Variants in SASH1 observed in about 807,000 individuals in gnomAD.
The protein encoded by SASH1 is SAM and SH3 domain-containing protein 1.
SASH1 carries 44 observed loss-of-function variants against 125.2 expected under a neutral mutation model. The observed-to-expected ratio is 0.35, with a 90% confidence interval of 0.28 to 0.45. The LOEUF (loss-of-function observed/expected upper bound fraction) is 0.45, where lower values mean the gene tolerates loss of function less well. Among genes scored for constraint, SASH1 ranks in the 20% least tolerant of loss-of-function variants. SASH1 has a pLI of 1.00. For missense variants in SASH1, 1,426 were observed against 1,614.5 expected (o/e 0.88, Z 2.00); for synonymous variants, 639 against 649.1 (o/e 0.98, Z 0.24).
chr6:148,439,960 A>G (rs1776474504), intron 2 of SASH1, among the ~76,000 whole-genome samples: 1 of 145,320 alleles, frequency 6.9e-6, no homozygotes, highest in Non-Finnish European at 1.5e-5. Context: ...TTGTCAGCAG[A>G]GTCTGGCAAC....
intron 17 of SASH1, among the ~76,000 whole-genome samples, 179 bp downstream of exon 17, chr6:148,540,735 G>A (rs1448092299): frequency 1.3e-5 from 2 of 152,222 alleles, no homozygotes; most frequent in South Asian, 2.1e-4. Context: ...GCTGCTGGGT[G>A]AGGTTAATAA....
At chr6:148,261,039 A>G in the SASH1 span, among the ~76,000 whole-genome samples, 1 of 152,056 alleles carries the variant, frequency 6.6e-6, no homozygotes, top group Non-Finnish European at 1.5e-5. Flanking sequence ...TCCTGACCTC[A>G]GGTGATCTGC....
upstream of SASH1, among the ~76,000 whole-genome samples, chr6:148,270,241 C>T (rs1779030173): frequency 6.6e-6 from 1 of 152,178 alleles, no homozygotes; most frequent in African/African-American, 2.4e-5. Flanking sequence ...TCTTGGGTCT[C>T]CCAACTCATA....
intron 1 of SASH1, among the ~76,000 whole-genome samples, chr6:148,285,434 G>C (rs1779457065): frequency 6.6e-6 from 1 of 152,252 alleles, no homozygotes; most frequent in African/African-American, 2.4e-5. Context: ...ACTTTACAGA[G>C]TAGCCTCTGG....
At chr6:148,349,048 G>A (rs746814544) in intron 1 of SASH1, among the ~76,000 whole-genome samples, 1 of 151,938 alleles carries the variant, frequency 6.6e-6, no homozygotes, top group Non-Finnish European at 1.5e-5. Flanking sequence ...CTAGTGAGAG[G>A]GATAAAAAGG....
At chr6:148,541,317 C>T (rs182398415) in intron 17 of SASH1, among the ~76,000 whole-genome samples, 6 of 151,208 alleles carry the variant, frequency 4.0e-5, no homozygotes, top group African/African-American at 1.5e-4. Context: ...TTACTGAGCA[C>T]CTACTAAAGC....
At chr6:148,203,147 G>A in the SASH1 span, among the ~76,000 whole-genome samples, 1 of 152,170 alleles carries the variant, frequency 6.6e-6, no homozygotes, top group Non-Finnish European at 1.5e-5. Flanking sequence ...GAAAGAGCTG[G>A]AAGTATGCTT....
chr6:148,541,558 TG>T (rs1782220191), intron 17 of SASH1, among the ~76,000 whole-genome samples: 1 of 152,086 alleles, frequency 6.6e-6, no homozygotes, highest in South Asian at 2.1e-4. Flanking sequence ...GTGTACTACA[TG>T]TTGAATGTAA....
intron 15 of SASH1, 29 bp downstream of exon 15, chr6:148,534,009 C>G: frequency 6.3e-7 from 1 of 1,598,062 alleles, no homozygotes; most frequent in Non-Finnish European, 8.6e-7. Flanking sequence ...TTGTCACACG[C>G]TACTACCTCA....
chr6:148,334,024 G>A (rs997972481), intron 1 of SASH1, among the ~76,000 whole-genome samples: 1 of 151,292 alleles, frequency 6.6e-6, no homozygotes, highest in African/African-American at 2.4e-5. Context: ...GGGGTTCACC[G>A]TGTTAGCCAG....
chr6:148,255,442 A>G, the SASH1 span, among the ~76,000 whole-genome samples: 1 of 152,154 alleles, frequency 6.6e-6, no homozygotes, highest in Non-Finnish European at 1.5e-5. Context: ...TAAAGACCCT[A>G]TCTCCAAATA....
At chr6:148,298,721 GGA>G (rs1779843057) in intron 1 of SASH1, among the ~76,000 whole-genome samples, 2 of 96,688 alleles carry the variant, frequency 2.1e-5, no homozygotes, top group Non-Finnish European at 4.0e-5. Context: ...AAGAAGGAAG[GGA>G]AAGGAGGGAG....
intron 1 of SASH1, among the ~76,000 whole-genome samples, chr6:148,321,539 T>C (rs1361333567): frequency 6.6e-6 from 1 of 152,194 alleles, no homozygotes; most frequent in Non-Finnish European, 1.5e-5. Context: ...AGGAATATAA[T>C]GGTGATCAAA....
the SASH1 span, among the ~76,000 whole-genome samples, chr6:148,245,478 A>G: frequency 3.3e-5 from 5 of 152,242 alleles, no homozygotes; most frequent in African/African-American, 9.6e-5. Flanking sequence ...CTGATTTGGA[A>G]GCATTAAGTT....
chr6:148,330,539 C>G (rs1483912792), intron 1 of SASH1, among the ~76,000 whole-genome samples: 15 of 152,174 alleles, frequency 9.9e-5, no homozygotes, highest in Admixed American at 7.9e-4. Flanking sequence ...AACTTGGAAA[C>G]AGTTAACAAT....
chr6:148,390,136 C>T lies in SASH1; in HGVS notation c.159C>T (p.Asp53=), dbSNP rs758083632. 3.6e-5 allele frequency: 58 copies of T among 1,612,706 alleles called. No homozygotes were observed. The highest frequency in any genetic ancestry group is 3.3e-4 in the Middle Eastern group (2 of 6,054). Residue 53 remains aspartate, a splice_region_variant and synonymous_variant, in exon 2 of 20, where the codon GAC becomes GAT. Transcript: ENST00000367467. ...RLWTDVMGIL[D]GSLGNIDDLA... ...CCTTTGTTTGTCCACCCCTTCAGGA[C>T]GGTTCACTGGGAAACATCGATGACC...
chr6:148,545,617 T>C (rs1211075820), intron 18 of SASH1, among the ~76,000 whole-genome samples: 3 of 152,238 alleles, frequency 2.0e-5, no homozygotes, highest in African/African-American at 7.2e-5. Flanking sequence ...AATGATCTGA[T>C]TGAGGCGAAG....
At chr6:148,492,839 A>G (rs753482994) in intron 8 of SASH1, among the ~76,000 whole-genome samples, 3,437 of 108,402 alleles carry the variant, frequency 0.032, 62 homozygotes, top group Middle Eastern at 0.05. Flanking sequence ...TAAATAAATA[A>G]ATAAATAAAT....
intron 1 of SASH1, among the ~76,000 whole-genome samples, chr6:148,355,120 C>G (rs1020570024): frequency 1.3e-5 from 2 of 152,094 alleles, no homozygotes; most frequent in Non-Finnish European, 2.9e-5. Context: ...TAAAGAGAGC[C>G]TACAGGAATT....
Sources: gnomAD v4.1 joint callset for allele counts (sites outside exome capture counted in the v4.1 genomes callset) on GRCh38, gnomAD v4.1.1 for gene constraint, MANE v1.5 for transcripts, NCBI Gene and HGNC (gene_info 2026-07-23, HGNC 2026-07-21) for gene names.